Variants in ADGRV1 observed in about 807,000 individuals in gnomAD.
ADGRV1 encodes adhesion G protein-coupled receptor V1.
A neutral mutation model predicts 596.2 loss-of-function variants in ADGRV1; 359 were observed. The observed-to-expected ratio is 0.60, with a 90% confidence interval of 0.55 to 0.66. The LOEUF (loss-of-function observed/expected upper bound fraction) is 0.66. Among genes scored for constraint, ADGRV1 ranks in the 30% least tolerant of loss-of-function variants. The pLI is 0.00. For missense variants in ADGRV1, 7,274 were observed against 7,575.6 expected (o/e 0.96, Z 1.48); for synonymous variants, 2,681 against 2,679.2 (o/e 1.00, Z -0.02).
In ADGRV1 at chr5:90,637,946, C is replaced by A; in HGVS notation, c.2238C>A (p.Asp746Glu). 6.2e-7 allele frequency: 1 copy of A among 1,600,002 alleles called. No homozygotes were observed. ...ATGAAACTGTAACACTTTCTCTAGA[C>A]AGGTAATAACCCATTTAGGTAATGT... ...EMNETVTLSL[D>E]RVNVENQVLK... The change falls in exon 11 of 90, where the codon GAC becomes GAA. Residue 746 changes from aspartate to glutamate, a missense_variant and splice_region_variant. Physicochemically the swap from Asp to Glu is conservative, Grantham distance 45. Around this residue, in one of 5 missense-constraint regions of ADGRV1, gnomAD observed 1,715 missense variants for 1,708.8 expected, o/e 1.00. Coordinates refer to ENST00000405460, the MANE Select transcript of ADGRV1 (RefSeq NM_032119.4).
At chr5:90,849,450 C>T (rs192429554) in intron 79 of ADGRV1, among the ~76,000 whole-genome samples, 31 of 152,208 alleles carry the variant, frequency 2.0e-4, no homozygotes, top group Admixed American at 1.3e-4. Flanking sequence ...AGTGCAATGG[C>T]GGGGTCTCGG....
At chr5:91,005,871 G>T (rs778859406) in intron 85 of ADGRV1, among the ~76,000 whole-genome samples, 1 of 151,938 alleles carries the variant, frequency 6.6e-6, no homozygotes, top group Non-Finnish European at 1.5e-5. Context: ...CTCTACCATC[G>T]CTATAGTTCA....
At chr5:91,102,136 CAGAA>C in intron 86 of ADGRV1, 79 bp from the exon 87 acceptor site, 1 of 1,354,266 alleles carries the variant, frequency 7.4e-7, no homozygotes, top group Non-Finnish European at 1.0e-6. Flanking sequence ...TAGAATACCA[CAGAA>C]AGAAGCCAAA....
intron 87 of ADGRV1, among the ~76,000 whole-genome samples, chr5:91,135,691 C>A (rs1312778779): frequency 6.6e-6 from 1 of 152,170 alleles, no homozygotes; most frequent in East Asian, 1.9e-4. Flanking sequence ...ATCTACCCAA[C>A]AACTATTTAT....
chr5:90,785,133 T>C (rs904862366), intron 67 of ADGRV1, among the ~76,000 whole-genome samples: 2 of 151,732 alleles, frequency 1.3e-5, no homozygotes, highest in Non-Finnish European at 2.9e-5. Context: ...ACAACAAACC[T>C]GACAAAAACA....
chr5:90,823,089 A>G (rs998414767), intron 75 of ADGRV1, among the ~76,000 whole-genome samples: 6 of 152,166 alleles, frequency 3.9e-5, no homozygotes, highest in African/African-American at 1.4e-4. Context: ...GGACAATTTG[A>G]CTTCCTCTTT....
chr5:90,617,239 A>G (rs1763475631), intron 2 of ADGRV1: 1 of 152,064 alleles, frequency 6.6e-6, no homozygotes, highest in Non-Finnish European at 1.5e-5. Context: ...TTCCTATATA[A>G]TTCTTTTTCT....
chr5:90,627,657 A>G lies in ADGRV1; in HGVS notation c.1119A>G (p.Leu373=). 2 of 1,613,826 alleles carry G rather than the reference A, an allele frequency of 1.2e-6. No homozygotes were observed. The highest frequency in any genetic ancestry group is 1.7e-6 in the Non-Finnish European group (2 of 1,179,736). Reference sequence around the variant, plus strand: ...ATACCTTACAGGGAGATGCTGTGCTAATAAGCCCTTCTGTTGTACAAGTCA... The same window carrying G: ...ATACCTTACAGGGAGATGCTGTGCTGATAAGCCCTTCTGTTGTACAAGTCA... ...LKDTLQGDAV[L]ISPSVVQVTI... is the part of the protein sequence containing the mutation. Residue 373 remains leucine, a synonymous_variant, in exon 7 of 90, where the codon CTA becomes CTG. Transcript: ENST00000405460.
intron 84 of ADGRV1, among the ~76,000 whole-genome samples, chr5:90,970,041 C>T (rs1421801090): frequency 6.6e-6 from 1 of 152,228 alleles, no homozygotes; most frequent in African/African-American, 2.4e-5. Flanking sequence ...CTGCGCTTTT[C>T]CAATGGTCTT....
chr5:90,906,200 T>G (rs930238740), intron 83 of ADGRV1, among the ~76,000 whole-genome samples: 10 of 152,126 alleles, frequency 6.6e-5, no homozygotes, highest in African/African-American at 2.4e-4. Context: ...TTTTTTGACA[T>G]GTTTTTGTCT....
intron 1 of ADGRV1, among the ~76,000 whole-genome samples, chr5:90,585,075 A>G (rs1029930842): frequency 6.6e-6 from 1 of 152,242 alleles, no homozygotes; most frequent in Non-Finnish European, 1.5e-5. Flanking sequence ...TGATATATTC[A>G]TACTTTTGTT....
At chr5:90,753,449 T>TTAG in intron 53 of ADGRV1, 125 bp from the exon 54 acceptor site, 1 of 640,234 alleles carries the variant, frequency 1.6e-6, no homozygotes, top group Non-Finnish European at 2.6e-6. Context: ...CATATTATTA[T>TTAG]GTTGCTTAAA....
chr5:90,756,599 C>T lies in ADGRV1; in HGVS notation c.11726C>T (p.Pro3909Leu), dbSNP rs770004597. ...ATAATGATAGAAGAAAATGACGATC[C>T]CAGAGGAATTTTTATGTTTCATGTT... The part of the protein sequence containing the change: ...AEIMIEENDD[P>L]RGIFMFHVTR... Residue 3909 changes from proline to leucine, a missense_variant, in exon 56 of 90, where the codon CCC (proline) becomes CTC (leucine). This residue lies in a region of ADGRV1 where 3,643 missense variants were observed against 3,809.2 expected (regional missense o/e 0.96). Coordinates refer to ENST00000405460, the MANE Select transcript of ADGRV1 (RefSeq NM_032119.4). 1.2e-6 allele frequency: 2 copies of T among 1,613,444 alleles called. No individual in the cohort carries two copies. The highest frequency in any genetic ancestry group is 3.3e-5 in the Admixed American group (2 of 59,978).
At chr5:91,041,309 A>T (rs980888333) in intron 85 of ADGRV1, among the ~76,000 whole-genome samples, 1 of 152,216 alleles carries the variant, frequency 6.6e-6, no homozygotes, top group Non-Finnish European at 1.5e-5. Flanking sequence ...TGCAGCCATA[A>T]AAAAGGATGA....
intron 70 of ADGRV1, among the ~76,000 whole-genome samples, chr5:90,802,388 ATTTTTAT>A (rs903825426): frequency 7.2e-5 from 11 of 151,786 alleles, no homozygotes; most frequent in Non-Finnish European, 1.0e-4. Flanking sequence ...GCTAATTTTT[ATTTTTAT>A]TTTTTATTTT....
At chr5:90,710,822 G>A (rs1280966195) in intron 39 of ADGRV1, among the ~76,000 whole-genome samples, 159 bp from the exon 40 acceptor site, 1 of 152,100 alleles carries the variant, frequency 6.6e-6, no homozygotes, top group Non-Finnish European at 1.5e-5. Context: ...GACGTGATAA[G>A]CATTGTCTCT....
intron 42 of ADGRV1, 27 bp from the exon 43 acceptor site, chr5:90,716,440 G>A (rs1750118868): frequency 2.0e-6 from 3 of 1,497,388 alleles, no homozygotes; most frequent in Non-Finnish European, 1.8e-6. Context: ...ATTTTCATTT[G>A]TTGCTTTAAT....
intron 70 of ADGRV1, among the ~76,000 whole-genome samples, chr5:90,798,688 G>A (rs1761015940): frequency 6.6e-6 from 1 of 152,114 alleles, no homozygotes; most frequent in African/African-American, 2.4e-5. Flanking sequence ...TAAAATACTG[G>A]CAAACCAAAT....
intron 26 of ADGRV1, among the ~76,000 whole-genome samples, chr5:90,680,755 A>G (rs978883227): frequency 6.6e-6 from 1 of 152,198 alleles, no homozygotes; most frequent in Non-Finnish European, 1.5e-5. Context: ...TAAAATTTGA[A>G]CATACTTTTT....
Sources: allele counts gnomAD v4.1 joint callset (sites outside exome capture counted in the v4.1 genomes callset), GRCh38; gene constraint gnomAD v4.1.1; regional missense constraint gnomAD v4.1.1; transcripts MANE v1.5; gene names NCBI Gene and HGNC (gene_info 2026-07-23, HGNC 2026-07-21).